Variants in CFAP300 observed in about 807,000 individuals in gnomAD.
CFAP300 encodes the protein cilia- and flagella-associated protein 300.
Under a neutral mutation model 33.0 loss-of-function variants are expected in CFAP300, and 32 were observed. That is an observed-to-expected ratio of 0.97 (90% CI 0.73 to 1.30). CFAP300 has a LOEUF of 1.30. CFAP300 is among the 50% of genes most tolerant of loss of function. CFAP300 has a pLI of 0.00. For synonymous variants in CFAP300, 102 were observed against 106.8 expected, an observed-to-expected ratio of 0.95 and a Z score of 0.28; for missense variants, 356 against 318.1, an observed-to-expected ratio of 1.12 and a Z score of -0.90.
At chr11:102,054,881 A>G (rs1289028193) in intron 2 of CFAP300, among the ~76,000 whole-genome samples, 1 of 152,166 alleles carries the variant, frequency 6.6e-6, no homozygotes, top group African/African-American at 2.4e-5. Context: ...AGAATAATTC[A>G]TAGAAAAAGT....
Position 102,080,267 on chromosome 11 carries a change from G to A in CFAP300, c.609-948G>A, listed in dbSNP as rs138711249. On this transcript the variant is annotated intron_variant, in intron 5 of 6. Coordinates refer to ENST00000434758, the MANE Select transcript of CFAP300 (RefSeq NM_032930.3). ...CTGTAGCTTATTTTCTCAATCCTTA[G>A]TTTGCTTTCTCACTACATATTGCCA... Among the ~76,000 whole-genome samples the A allele has an allele frequency of 2.0e-4, 30 of 152,090 alleles. No homozygotes were observed. The East Asian group carries it at 5.6e-3, about 28-fold the overall frequency.
At chr11:102,071,364 T>C (rs1942310507) in intron 4 of CFAP300, among the ~76,000 whole-genome samples, 1 of 152,180 alleles carries the variant, frequency 6.6e-6, no homozygotes, top group Non-Finnish European at 1.5e-5. Context: ...AGTTGGATCA[T>C]GTGTTGTTGT....
At position 102,047,493 on chromosome 11, in the gene CFAP300, A is replaced by T. The variant is rs1218787665; in HGVS notation, c.23A>T (p.Asp8Val). Reference sequence around the variant, plus strand: ...ACGATGGCTACTGGGGAGCTCGGGGACTTGGGTGGCTACTACTTCAGGTTC... The same window carrying T: ...ACGATGGCTACTGGGGAGCTCGGGGTCTTGGGTGGCTACTACTTCAGGTTC... MATGELGDLGGYYFRFLP... is the reference protein window; with the variant it reads MATGELGVLGGYYFRFLP... The change falls in exon 1 of 7, where the codon GAC becomes GTC. Residue 8 changes from aspartate (D) to valine (V), a missense_variant. By Grantham distance (152) the Asp-to-Val change is radical. Coordinates refer to ENST00000434758, the MANE Select transcript of CFAP300 (RefSeq NM_032930.3). 1.3e-6 allele frequency: 2 copies of T among 1,535,902 alleles called. No homozygotes were observed. The highest frequency in any genetic ancestry group is 1.4e-5 in the African/African-American group (1 of 73,160).
chr11:102,064,427 G>A (rs1178903488), intron 3 of CFAP300, among the ~76,000 whole-genome samples: 2 of 152,036 alleles, frequency 1.3e-5, no homozygotes, highest in Non-Finnish European at 2.9e-5. Flanking sequence ...TCCCTCAGAG[G>A]ATCTTACCTC....
chr11:102,076,437 A>G (rs1374071913), intron 5 of CFAP300, among the ~76,000 whole-genome samples: 1 of 152,228 alleles, frequency 6.6e-6, no homozygotes, highest in Non-Finnish European at 1.5e-5. Context: ...CTTTGTTCCA[A>G]AGAAGTGGAA....
intron 5 of CFAP300, among the ~76,000 whole-genome samples, chr11:102,077,868 C>T (rs916164898): frequency 6.6e-6 from 1 of 152,094 alleles, no homozygotes; most frequent in Non-Finnish European, 1.5e-5. Context: ...AGCCACTGCA[C>T]CTGGCCTATT....
At chr11:102,081,084 A>G (rs1180350559) in intron 5 of CFAP300, 131 bp from the exon 6 acceptor site, 5 of 604,728 alleles carry the variant, frequency 8.3e-6, no homozygotes, top group Non-Finnish European at 1.3e-5. Flanking sequence ...TTTTCAAACC[A>G]CTTAGTTGGA....
At position 102,081,618 on chromosome 11, in the gene CFAP300, G is replaced by A. The variant is rs150616574; in HGVS notation, c.675+337G>A. On this transcript the variant is annotated intron_variant, in intron 6 of 6. Transcript: ENST00000434758. ...AAATAAGAATGCCACAAATGTCGCCGGGCCCGGTGGCTCACGCCTGTAATC... is the reference window on the plus strand; with the variant it reads ...AAATAAGAATGCCACAAATGTCGCCAGGCCCGGTGGCTCACGCCTGTAATC... Among the ~76,000 whole-genome samples the A allele has an allele frequency of 9.2e-3, 1,401 of 152,172 alleles. 10 individuals carry two copies. Among genetic ancestry groups the A allele is most frequent in the Non-Finnish European group, 0.013 (911 of 68,004 alleles).
intron 4 of CFAP300, among the ~76,000 whole-genome samples, chr11:102,074,791 C>T (rs1942372766): frequency 6.6e-6 from 1 of 151,518 alleles, no homozygotes; most frequent in South Asian, 2.1e-4. Flanking sequence ...CTTCAATCAT[C>T]TTCTGAGCTC....
chr11:102,082,117 C>T (rs1360064500), intron 6 of CFAP300, among the ~76,000 whole-genome samples: 1 of 152,076 alleles, frequency 6.6e-6, no homozygotes, highest in Non-Finnish European at 1.5e-5. Flanking sequence ...CGTGCAGTGG[C>T]TCATGCCTGT....
chr11:102,082,821 A>G (rs1303286144), intron 6 of CFAP300, among the ~76,000 whole-genome samples: 1 of 151,826 alleles, frequency 6.6e-6, no homozygotes, highest in South Asian at 2.1e-4. Context: ...AGATGCTGAA[A>G]CCCTGTCTCT....
intron 5 of CFAP300, among the ~76,000 whole-genome samples, chr11:102,078,926 T>C (rs1050825293): frequency 4.0e-4 from 61 of 152,260 alleles, no homozygotes; most frequent in African/African-American, 1.3e-3. Flanking sequence ...GCCAGGCTGG[T>C]CTAGAACTCC....
intron 5 of CFAP300, among the ~76,000 whole-genome samples, chr11:102,079,174 A>G (rs1340042552): frequency 6.6e-6 from 1 of 152,240 alleles, no homozygotes; most frequent in African/African-American, 2.4e-5. Context: ...AATCATAAAT[A>G]TACATACAAT....
intron 4 of CFAP300, among the ~76,000 whole-genome samples, chr11:102,074,915 C>T (rs1401831673): frequency 6.6e-6 from 1 of 150,874 alleles, no homozygotes; most frequent in African/African-American, 2.4e-5. Context: ...CTGTGTTGCT[C>T]AGGCTGGCCT....
At chr11:102,073,999 C>A (rs1942358730) in intron 4 of CFAP300, among the ~76,000 whole-genome samples, 1 of 152,056 alleles carries the variant, frequency 6.6e-6, no homozygotes, top group African/African-American at 2.4e-5. Flanking sequence ...CATACTTTGT[C>A]TCCCTTTGTC....
At chr11:102,079,518 C>A (rs1046732873) in intron 5 of CFAP300, among the ~76,000 whole-genome samples, 17 of 152,120 alleles carry the variant, frequency 1.1e-4, no homozygotes, top group African/African-American at 4.1e-4. Context: ...ATTGTTGAAC[C>A]CTGAAATGGC....
chr11:102,060,160 C>T (rs535210404), intron 3 of CFAP300, among the ~76,000 whole-genome samples: 5 of 152,124 alleles, frequency 3.3e-5, no homozygotes, highest in South Asian at 4.1e-4. Flanking sequence ...TTAGTAGAGA[C>T]GGGGTTTCGC....
chr11:102,073,133 A>T (rs1942337973), intron 4 of CFAP300, among the ~76,000 whole-genome samples: 1 of 152,126 alleles, frequency 6.6e-6, no homozygotes, highest in Non-Finnish European at 1.5e-5. Context: ...ATGTGCCAGC[A>T]GTGTTAGTGG....
intron 4 of CFAP300, among the ~76,000 whole-genome samples, chr11:102,074,446 G>A (rs1942367707): frequency 6.6e-6 from 1 of 152,098 alleles, no homozygotes; most frequent in Admixed American, 6.5e-5. Context: ...AGCTCCTTCT[G>A]TGCTTGTGTG....
Sources: gnomAD v4.1 joint callset for allele counts (sites outside exome capture counted in the v4.1 genomes callset) on GRCh38, gnomAD v4.1.1 for gene constraint, MANE v1.5 for transcripts, NCBI Gene and HGNC (gene_info 2026-07-23, HGNC 2026-07-21) for gene names.